STXBP6: variants seen among roughly 807,000 people sequenced by gnomAD.
STXBP6 encodes syntaxin-binding protein 6.
STXBP6 carries 21 observed loss-of-function variants against 26.9 expected under a neutral mutation model. The ratio of observed to expected loss-of-function variants is 0.78; its 90% CI spans 0.55 to 1.12. STXBP6 has a LOEUF of 1.12. Among genes scored for constraint, STXBP6 ranks in the 50% most tolerant of loss-of-function variants. STXBP6 has a pLI of 0.00. For synonymous variants in STXBP6, 97 were observed against 92.6 expected, an observed-to-expected ratio of 1.05 and a Z score of -0.27; for missense variants, 232 against 257.9, an observed-to-expected ratio of 0.90 and a Z score of 0.69.
At chr14:25,048,661 C>G (rs1164008040) in intron 1 of STXBP6, among the ~76,000 whole-genome samples, 1 of 152,186 alleles carries the variant, frequency 6.6e-6, no homozygotes, top group Non-Finnish European at 1.5e-5. Flanking sequence ...ATATTTCTAG[C>G]CTGCATAATC....
chr14:24,911,079 C>T (rs1364714867), intron 2 of STXBP6, among the ~76,000 whole-genome samples: 1 of 152,158 alleles, frequency 6.6e-6, no homozygotes, highest in Admixed American at 6.5e-5. Flanking sequence ...AACCCCAGCA[C>T]TTTGGGATGC....
intron 2 of STXBP6, among the ~76,000 whole-genome samples, chr14:24,897,019 A>T (rs1456134014): frequency 6.6e-6 from 1 of 152,168 alleles, no homozygotes; most frequent in Non-Finnish European, 1.5e-5. Context: ...TCTTTGCACT[A>T]AATCACTGGG....
intron 2 of STXBP6, among the ~76,000 whole-genome samples, chr14:24,911,225 T>C (rs1407208865): frequency 2.0e-5 from 3 of 151,934 alleles, no homozygotes; most frequent in Non-Finnish European, 4.4e-5. Context: ...TGGTCCCAGC[T>C]ACTCAGGAGA....
At position 24,817,708 on chromosome 14, in the gene STXBP6, A is replaced by G. The variant is rs2068019526; in HGVS notation, c.609+1329T>C. 3.8e-5 allele frequency: 7 copies of G among 186,646 alleles called. No individual in the cohort carries two copies. The South Asian group carries it at 6.6e-4, about 18-fold the overall frequency. 11.6% of individuals were successfully genotyped at this position (186,646 alleles called of 1,614,324 possible). The stretch of plus-strand genomic sequence containing the variant: ...TGGAGAAAGGAGGAAGGAACTAGGG[A>G]GACCTTCAATCCAAGTTCACTCTCT... On this transcript the variant is annotated intron_variant, in intron 5 of 5. Coordinates refer to ENST00000323944, the MANE Select transcript of STXBP6 (RefSeq NM_001394410.1).
At position 24,810,524 on chromosome 14, in the gene STXBP6, T is replaced by C. The variant is rs1302678682; in HGVS notation, c.*2185A>G. On this transcript the variant is annotated 3_prime_UTR_variant, in exon 6 of 6. Transcript: ENST00000323944. ...TAGAGGGGGCTAATAAAGATTCGGA[T>C]GGGCTTTCTTCTAATTCAGGCTATT... 1 of 152,206 alleles carries C rather than the reference T, an allele frequency of 6.6e-6. No homozygotes were observed. The highest frequency in any genetic ancestry group is 2.4e-5 in the African/African-American group (1 of 41,426). The allele number at this position is 152,206 out of a possible 1,614,324, so 9.4% of individuals were successfully genotyped here. A position where few individuals can be genotyped will look rare whatever the true frequency, so the allele number is the denominator to read the frequency against.
At chr14:24,825,870 T>C (rs750024860) in intron 4 of STXBP6, among the ~76,000 whole-genome samples, 1 of 152,232 alleles carries the variant, frequency 6.6e-6, no homozygotes, top group Non-Finnish European at 1.5e-5. Flanking sequence ...TACTTAACCT[T>C]GGTTCTTATG....
intron 2 of STXBP6, among the ~76,000 whole-genome samples, chr14:24,931,908 G>A (rs1442000279): frequency 6.6e-6 from 1 of 152,056 alleles, no homozygotes; most frequent in Non-Finnish European, 1.5e-5. Context: ...AAATACACAA[G>A]GACAAACAAA....
At chr14:24,854,660 C>T (rs1594968177) in intron 4 of STXBP6, among the ~76,000 whole-genome samples, 1 of 152,054 alleles carries the variant, frequency 6.6e-6, no homozygotes, top group African/African-American at 2.4e-5. Context: ...TGGTCCTAAG[C>T]CTGGTGTGCT....
chr14:24,935,235 C>A (rs983213346), intron 2 of STXBP6, among the ~76,000 whole-genome samples: 1 of 152,112 alleles, frequency 6.6e-6, no homozygotes, highest in Admixed American at 6.5e-5. Flanking sequence ...GTTAATCCTG[C>A]AGGGCCTCTT....
chr14:24,981,585 T>C (rs1002831184), intron 1 of STXBP6, among the ~76,000 whole-genome samples: 6 of 152,020 alleles, frequency 3.9e-5, no homozygotes, highest in Admixed American at 3.9e-4. Flanking sequence ...TTATGAAGGG[T>C]AAACTATGTC....
rs1038923231 is a variant in STXBP6 at position 24,932,792 on chromosome 14, G to C, written c.154+41873C>G. Among the ~76,000 whole-genome samples, 6 of 152,122 alleles carry C rather than the reference G, an allele frequency of 3.9e-5. 1 individual carries two copies. Among genetic ancestry groups the C allele is most frequent in the Non-Finnish European group, 8.8e-5 (6 of 68,006 alleles). ...TAAAAGAAATGAACAAATCAAGAAA[G>C]ACTCCAAGATTCCTGGCTACGCAAC... is the stretch of plus-strand genomic sequence containing the variant. On this transcript the variant is annotated intron_variant, in intron 2 of 5. Coordinates refer to ENST00000323944, the MANE Select transcript of STXBP6 (RefSeq NM_001394410.1).
chr14:25,031,048 G>A (rs1224297998), intron 1 of STXBP6, among the ~76,000 whole-genome samples: 1 of 151,898 alleles, frequency 6.6e-6, no homozygotes, highest in African/African-American at 2.4e-5. Context: ...ATAAAATATT[G>A]GTACGCTTCG....
intron 2 of STXBP6, among the ~76,000 whole-genome samples, chr14:24,874,191 G>A (rs2070048499): frequency 6.6e-6 from 1 of 152,130 alleles, no homozygotes; most frequent in South Asian, 2.1e-4. Flanking sequence ...AGGGTACAGG[G>A]AATATTTTCT....
chr14:24,942,194 ACTTTTT>A (rs1193990047), intron 2 of STXBP6, among the ~76,000 whole-genome samples: 1 of 152,164 alleles, frequency 6.6e-6, no homozygotes, highest in Non-Finnish European at 1.5e-5. Flanking sequence ...CCAGAAATCA[ACTTTTT>A]CTAACAGGGC....
chr14:24,818,906 TG>T (rs1191265734), intron 5 of STXBP6, 130 bp downstream of exon 5: 3 of 1,237,222 alleles, frequency 2.4e-6, no homozygotes, highest in Non-Finnish European at 3.3e-6. Flanking sequence ...AAGTAGCAGA[TG>T]GGAATTACAT....
chr14:24,958,902 A>G (rs895015496), intron 2 of STXBP6, among the ~76,000 whole-genome samples: 66 of 152,212 alleles, frequency 4.3e-4, no homozygotes, highest in Admixed American at 6.5e-4. Context: ...AGAGTCCTTA[A>G]GTATCAACAA....
chr14:24,877,874 C>T (rs935329340), intron 2 of STXBP6, among the ~76,000 whole-genome samples: 8 of 152,168 alleles, frequency 5.3e-5, no homozygotes, highest in African/African-American at 1.9e-4. Flanking sequence ...TGCACTCCCA[C>T]CAGAAATCTA....
intron 4 of STXBP6, among the ~76,000 whole-genome samples, chr14:24,830,311 G>A (rs760306851): frequency 6.6e-6 from 1 of 152,112 alleles, no homozygotes; most frequent in Non-Finnish European, 1.5e-5. Context: ...GGGAATAGGA[G>A]AAAGAAAAGA....
intron 2 of STXBP6, among the ~76,000 whole-genome samples, chr14:24,920,428 C>T (rs2071939385): frequency 6.6e-6 from 1 of 152,032 alleles, no homozygotes; most frequent in Non-Finnish European, 1.5e-5. Context: ...ATTTCTCTTT[C>T]TCATTTTCAG....
Sources: gnomAD v4.1 joint callset for allele counts (sites outside exome capture counted in the v4.1 genomes callset) on GRCh38, gnomAD v4.1.1 for gene constraint, MANE v1.5 for transcripts, NCBI Gene and HGNC (gene_info 2026-07-23, HGNC 2026-07-21) for gene names.